TAFA2: variants seen among roughly 807,000 people sequenced by gnomAD.
TAFA2 encodes chemokine-like protein TAFA-2.
Under a neutral mutation model 18.8 loss-of-function variants are expected in TAFA2, and 7 were observed. The observed-to-expected ratio is 0.37, with a 90% CI of 0.21 to 0.70. The LOEUF is 0.70. Among genes scored for constraint, TAFA2 ranks in the 30% least tolerant of loss-of-function variants. The pLI, the probability that TAFA2 is intolerant of heterozygous loss-of-function variation, is 0.53. For missense variants in TAFA2, 122 were observed against 158.1 expected (o/e 0.77, Z 1.23); for synonymous variants, 60 against 54.2 (o/e 1.11, Z -0.47).
intron 2 of TAFA2, among the ~76,000 whole-genome samples, chr12:61,774,419 A>G (rs1012600745): frequency 1.3e-5 from 2 of 151,912 alleles, no homozygotes; most frequent in Non-Finnish European, 1.5e-5. Flanking sequence ...AAATATGGAA[A>G]CAGCCCAAAT....
chr12:61,935,022 G>A (rs1437359256), intron 1 of TAFA2, among the ~76,000 whole-genome samples: 6 of 152,098 alleles, frequency 3.9e-5, no homozygotes, highest in African/African-American at 1.4e-4. Flanking sequence ...ACCAAGCCTG[G>A]CACGAGTACA....
intron 1 of TAFA2, among the ~76,000 whole-genome samples, chr12:62,003,179 A>G (rs372942079): frequency 2.0e-4 from 30 of 152,264 alleles, no homozygotes; most frequent in African/African-American, 7.0e-4. Context: ...CATGGTAGCC[A>G]AAAGGATCCT....
chr12:61,996,765 C>T (rs1880203370), intron 1 of TAFA2, among the ~76,000 whole-genome samples: 1 of 152,136 alleles, frequency 6.6e-6, no homozygotes, highest in South Asian at 2.1e-4. Context: ...AAGCCCTTGT[C>T]TCAGGTTCCG....
At chr12:61,834,285 G>C (rs1020713045) in intron 2 of TAFA2, among the ~76,000 whole-genome samples, 1 of 152,018 alleles carries the variant, frequency 6.6e-6, no homozygotes, top group Non-Finnish European at 1.5e-5. Context: ...CCACTCAGGA[G>C]AAATAAAAAT....
chr12:61,760,814 GA>G (rs1295949468), intron 2 of TAFA2, among the ~76,000 whole-genome samples: 1 of 145,568 alleles, frequency 6.9e-6, no homozygotes, highest in Non-Finnish European at 1.5e-5. Flanking sequence ...GACCCCCGGA[GA>G]AGATTTAAAT....
chr12:62,113,791 G>T (rs1457616303), intron 1 of TAFA2, among the ~76,000 whole-genome samples: 2 of 152,170 alleles, frequency 1.3e-5, no homozygotes, highest in Admixed American at 6.5e-5. Context: ...TGTTTACAAT[G>T]TGAGGGAAAA....
chr12:62,131,543 A>G (rs778615206), intron 1 of TAFA2, among the ~76,000 whole-genome samples: 3 of 152,060 alleles, frequency 2.0e-5, no homozygotes, highest in Non-Finnish European at 4.4e-5. Flanking sequence ...TTGGCTTCCC[A>G]GGCCATTTCC....
At chr12:61,838,246 G>C (rs1030434702) in intron 2 of TAFA2, among the ~76,000 whole-genome samples, 5 of 151,960 alleles carry the variant, frequency 3.3e-5, no homozygotes, top group Admixed American at 1.3e-4. Context: ...GGGGAATCCA[G>C]GCAGCATTTC....
chr12:62,170,508 A>T (rs1270732011), intron 1 of TAFA2, among the ~76,000 whole-genome samples: 1 of 152,132 alleles, frequency 6.6e-6, no homozygotes, highest in Non-Finnish European at 1.5e-5. Context: ...TTCCATTTTC[A>T]TGTTTGCTTA....
chr12:61,973,395 ATT>A (rs33918768), intron 1 of TAFA2, among the ~76,000 whole-genome samples: 4,774 of 135,536 alleles, frequency 0.035, 176 homozygotes, highest in African/African-American at 0.1. Context: ...TATTATTTAG[ATT>A]TTTTTTTTTT....
chr12:61,982,938 T>G (rs1351601569), intron 1 of TAFA2, among the ~76,000 whole-genome samples: 1 of 151,892 alleles, frequency 6.6e-6, no homozygotes, highest in Non-Finnish European at 1.5e-5. Flanking sequence ...TTTCATATAT[T>G]TAAGAGTTCT....
intron 1 of TAFA2, among the ~76,000 whole-genome samples, chr12:61,867,859 T>A (rs550415905): frequency 3.9e-5 from 6 of 152,186 alleles, no homozygotes; most frequent in Non-Finnish European, 2.9e-5. Context: ...ATTGCTTAGA[T>A]GAATTCCTGC....
intron 1 of TAFA2, among the ~76,000 whole-genome samples, chr12:61,896,142 G>T (rs1875833154): frequency 6.6e-6 from 1 of 152,086 alleles, no homozygotes; most frequent in African/African-American, 2.4e-5. Flanking sequence ...TAAAATCTAT[G>T]CTCATCGATG....
intron 1 of TAFA2, among the ~76,000 whole-genome samples, chr12:61,876,517 A>G (rs1874852508): frequency 6.6e-6 from 1 of 152,178 alleles, no homozygotes; most frequent in South Asian, 2.1e-4. Flanking sequence ...AAGAGAGCAA[A>G]ACAGCTTAAC....
At chr12:62,069,955 T>C (rs1882585580) in intron 1 of TAFA2, among the ~76,000 whole-genome samples, 1 of 152,204 alleles carries the variant, frequency 6.6e-6, no homozygotes, top group Non-Finnish European at 1.5e-5. Context: ...TGGCCTTACT[T>C]CCTGAAGACA....
At chr12:62,108,393 T>G (rs1301291281) in intron 1 of TAFA2, among the ~76,000 whole-genome samples, 1 of 152,236 alleles carries the variant, frequency 6.6e-6, no homozygotes, top group Non-Finnish European at 1.5e-5. Flanking sequence ...TCCAGTTTAA[T>G]GAGCATTTGG....
intron 1 of TAFA2, among the ~76,000 whole-genome samples, chr12:61,953,457 A>G (rs189122770): frequency 6.7e-6 from 1 of 149,134 alleles, no homozygotes; most frequent in East Asian, 1.9e-4. Flanking sequence ...AGGATAAAGG[A>G]AAATAAAACA....
At chr12:62,157,154 A>AT (rs987561349) in intron 1 of TAFA2, among the ~76,000 whole-genome samples, 2 of 152,130 alleles carry the variant, frequency 1.3e-5, no homozygotes, top group Admixed American at 6.6e-5. Context: ...GTTAAGTACA[A>AT]TTTTTTTACA....
At chr12:61,807,210 T>C (rs2120991430) in intron 2 of TAFA2, among the ~76,000 whole-genome samples, 1 of 151,470 alleles carries the variant, frequency 6.6e-6, no homozygotes. Flanking sequence ...GCCTAGGGAC[T>C]TGGTGTACTG....
Sources: gnomAD v4.1 joint callset for allele counts (sites outside exome capture counted in the v4.1 genomes callset) on GRCh38, gnomAD v4.1.1 for gene constraint, MANE v1.5 for transcripts, NCBI Gene and HGNC (gene_info 2026-07-23, HGNC 2026-07-21) for gene names.